Variants in DGKB observed in about 807,000 individuals in gnomAD.
The protein encoded by DGKB is 90 kDa diacylglycerol kinase.
DGKB carries 67 observed loss-of-function variants against 114.3 expected under a neutral mutation model. That is an observed-to-expected ratio of 0.59 (90% CI 0.48 to 0.72). DGKB has a LOEUF of 0.72. Among genes scored for constraint, DGKB ranks in the 30% least tolerant of loss-of-function variants. DGKB has a pLI of 0.00. For missense variants in DGKB, 907 were observed against 975.2 expected, an observed-to-expected ratio of 0.93 and a Z score of 0.93; for synonymous variants, 398 against 323.1, an observed-to-expected ratio of 1.23 and a Z score of -2.49.
chr7:14,944,682 TGTGTGAGGAAG>T (rs151181483), intron 1 of DGKB, among the ~76,000 whole-genome samples: 31,309 of 151,508 alleles, frequency 0.21, 4,971 homozygotes, highest in East Asian at 0.78. Flanking sequence ...CATGACTGTG[TGTGTGAGGAAG>T]TTGCTACTCA....
intron 2 of DGKB, among the ~76,000 whole-genome samples, chr7:14,800,602 G>C (rs1842027532): frequency 6.6e-6 from 1 of 152,286 alleles, no homozygotes; most frequent in Non-Finnish European, 1.5e-5. Flanking sequence ...GGGACCCTGT[G>C]ATTGTATAAG....
chr7:14,612,970 G>A (rs78167618), intron 16 of DGKB, among the ~76,000 whole-genome samples: 4,288 of 152,018 alleles, frequency 0.028, 192 homozygotes, highest in African/African-American at 0.098. Context: ...CTAGATGTTG[G>A]GTATAAATTC....
intron 23 of DGKB, among the ~76,000 whole-genome samples, chr7:14,300,257 G>A (rs1299625967): frequency 6.6e-6 from 1 of 152,010 alleles, no homozygotes; most frequent in African/African-American, 2.4e-5. Context: ...ATAGCAAAGT[G>A]CACCTCATTT....
At chr7:14,753,799 G>A in intron 4 of DGKB, 129 bp downstream of exon 4, 1 of 691,904 alleles carries the variant, frequency 1.4e-6, no homozygotes, top group Non-Finnish European at 2.5e-6. Flanking sequence ...AGTATTATAG[G>A]CAACCTTGTA....
intron 13 of DGKB, among the ~76,000 whole-genome samples, chr7:14,665,545 T>C (rs1353298637): frequency 6.6e-6 from 1 of 152,032 alleles, no homozygotes; most frequent in Non-Finnish European, 1.5e-5. Flanking sequence ...GAATATTGTT[T>C]CTAAATTATA....
chr7:14,725,073 G>A (rs972267294), intron 5 of DGKB, among the ~76,000 whole-genome samples: 8 of 152,168 alleles, frequency 5.3e-5, no homozygotes, highest in African/African-American at 1.9e-4. Context: ...CTAGGGGGCT[G>A]AGCAAGAGGA....
chr7:14,356,048 T>A (rs905036026), intron 21 of DGKB, among the ~76,000 whole-genome samples: 1 of 152,232 alleles, frequency 6.6e-6, no homozygotes, highest in Non-Finnish European at 1.5e-5. Context: ...CTTCTAGATT[T>A]TCTAGTTTAT....
chr7:14,507,718 G>A (rs1190898482), intron 20 of DGKB, among the ~76,000 whole-genome samples: 1 of 152,098 alleles, frequency 6.6e-6, no homozygotes, highest in Non-Finnish European at 1.5e-5. Context: ...AGCATTCTAT[G>A]TACTATCTAT....
rs368289625 is a variant in DGKB, at chr7:14,688,677, C to A, written c.712-3315G>T. Among the ~76,000 whole-genome samples the A allele has an allele frequency of 1.2e-4, 19 of 152,296 alleles. No individual in the cohort carries two copies. In the East Asian group the frequency reaches 3.3e-3, roughly 26 times the overall value. ...AGATAAATGCTTAATGAATCCTAGG[C>A]TACTCCATGCTGAGAAGGAACTTTA... is the stretch of plus-strand genomic sequence containing the variant. On this transcript the variant is annotated intron_variant, in intron 9 of 25. Coordinates refer to ENST00000402815, the MANE Select transcript of DGKB (RefSeq NM_001350709.2).
At chr7:14,729,395 T>C (rs5024287) in intron 5 of DGKB, among the ~76,000 whole-genome samples, 113,911 of 151,948 alleles carry the variant, frequency 0.75, 44,831 homozygotes, top group South Asian at 0.87. Flanking sequence ...GTGCTGGGAT[T>C]ACAGGCACGA....
chr7:14,414,808 G>A (rs991583666), intron 21 of DGKB, among the ~76,000 whole-genome samples: 5 of 151,998 alleles, frequency 3.3e-5, no homozygotes, highest in African/African-American at 4.8e-5. Flanking sequence ...CCAGTCTTAG[G>A]GATGTGTGAA....
At chr7:14,233,390 G>A (rs1390913674) in intron 23 of DGKB, among the ~76,000 whole-genome samples, 1 of 151,972 alleles carries the variant, frequency 6.6e-6, no homozygotes, top group Admixed American at 6.6e-5. Flanking sequence ...ACTTTGTAAA[G>A]CAATATTTCA....
chr7:14,379,824 T>C (rs537431865), intron 21 of DGKB, among the ~76,000 whole-genome samples: 3 of 151,104 alleles, frequency 2.0e-5, no homozygotes, highest in South Asian at 2.1e-4. Context: ...TCCCAAAGTG[T>C]TGGGATTACA....
At chr7:14,498,232 T>C (rs1002891166) in intron 20 of DGKB, among the ~76,000 whole-genome samples, 2 of 151,878 alleles carry the variant, frequency 1.3e-5, no homozygotes, top group African/African-American at 4.8e-5. Flanking sequence ...TAATAGCATT[T>C]GTTGATTTGT....
chr7:14,579,267 C>G (rs1173278764), intron 19 of DGKB, among the ~76,000 whole-genome samples: 1 of 152,138 alleles, frequency 6.6e-6, no homozygotes, highest in Non-Finnish European at 1.5e-5. Flanking sequence ...CAACACATAT[C>G]AGACACTCAA....
At chr7:14,774,927 T>A (rs1837933605) in intron 2 of DGKB, among the ~76,000 whole-genome samples, 1 of 152,164 alleles carries the variant, frequency 6.6e-6, no homozygotes, top group Non-Finnish European at 1.5e-5. Context: ...GTGGCTTTTA[T>A]GTTTACAGGC....
intron 1 of DGKB, among the ~76,000 whole-genome samples, chr7:14,879,610 T>C (rs116937762): frequency 0.021 from 3,256 of 152,308 alleles, 62 homozygotes; most frequent in South Asian, 0.047. Flanking sequence ...CCTGTGATCT[T>C]TAATATTTCT....
At chr7:14,851,210 T>G (rs1018836090) in intron 1 of DGKB, among the ~76,000 whole-genome samples, 2 of 152,124 alleles carry the variant, frequency 1.3e-5, no homozygotes, top group African/African-American at 4.8e-5. Flanking sequence ...TTGTGTTATT[T>G]TTGGACTCTG....
chr7:14,910,242 A>G (rs866490172), intron 1 of DGKB, among the ~76,000 whole-genome samples: 2 of 109,986 alleles, frequency 1.8e-5, no homozygotes, highest in African/African-American at 3.4e-5. Flanking sequence ...CTCCATCAAA[A>G]AAAGAAAGAA....
Sources: allele counts gnomAD v4.1 joint callset (sites outside exome capture counted in the v4.1 genomes callset), GRCh38; gene constraint gnomAD v4.1.1; transcripts MANE v1.5; gene names NCBI Gene and HGNC (gene_info 2026-07-23, HGNC 2026-07-21).